NAV2: variants seen among roughly 807,000 people sequenced by gnomAD.
NAV2 encodes the protein helicase, APC down-regulated 1.
Under a neutral mutation model 223.2 loss-of-function variants are expected in NAV2, and 54 were observed. That is an observed-to-expected ratio of 0.24 (90% CI 0.19 to 0.30). The LOEUF (loss-of-function observed/expected upper bound fraction) is 0.30, where lower values mean the gene tolerates loss of function less well. Among genes scored for constraint, NAV2 ranks in the 10% least tolerant of loss-of-function variants. The probability of loss-of-function intolerance (pLI) is 1.00; values close to 1 mark genes in which losing one functional copy is unlikely to be tolerated. For missense variants in NAV2, 2,806 were observed against 3,147.5 expected, an observed-to-expected ratio of 0.89 and a Z score of 2.60; for synonymous variants, 1,279 against 1,239.3, an observed-to-expected ratio of 1.03 and a Z score of -0.67.
At chr11:19,698,410 T>C (rs2049411180) in intron 1 of NAV2, among the ~76,000 whole-genome samples, 1 of 152,234 alleles carries the variant, frequency 6.6e-6, no homozygotes, top group East Asian at 1.9e-4. Context: ...CAGAGAGCCC[T>C]GGTGGAGAGC....
chr11:19,643,378 T>C (rs1455644058), intron 1 of NAV2, among the ~76,000 whole-genome samples: 4 of 141,922 alleles, frequency 2.8e-5, no homozygotes, highest in East Asian at 2.2e-4. Flanking sequence ...TGTGTTCTCA[T>C]TGTTCAATTC....
chr11:19,842,309 T>C (rs957836500), intron 2 of NAV2, among the ~76,000 whole-genome samples: 2 of 152,172 alleles, frequency 1.3e-5, no homozygotes, highest in African/African-American at 4.8e-5. Flanking sequence ...AATTTGGACT[T>C]ACTGTGTGGC....
At chr11:19,960,864 G>A (rs2153406135) in intron 10 of NAV2, among the ~76,000 whole-genome samples, 1 of 151,944 alleles carries the variant, frequency 6.6e-6, no homozygotes, top group South Asian at 2.1e-4. Context: ...CACCTGCCTT[G>A]GGCCTCCCAA....
intron 6 of NAV2, among the ~76,000 whole-genome samples, chr11:19,893,259 C>T (rs1455762353): frequency 6.6e-6 from 1 of 152,040 alleles, no homozygotes; most frequent in Non-Finnish European, 1.5e-5. Context: ...CTTGTTTCAG[C>T]CTCTATCTCT....
chr11:19,998,956 T>C lies in NAV2; in HGVS notation c.2768+14709T>C, dbSNP rs965406599. On this transcript the variant is annotated intron_variant, in intron 11 of 37. Transcript: ENST00000349880. The surrounding 1 kb of genome is among the most constrained non-coding windows in gnomAD (Gnocchi z 5.0). ...TAAGACAGAAACCAGGTCAGCTCCGTTTGCAGGTGAATCCCCTCTCCCAGC... is the reference window on the plus strand; with the variant it reads ...TAAGACAGAAACCAGGTCAGCTCCGCTTGCAGGTGAATCCCCTCTCCCAGC... 6.6e-6 allele frequency among the ~76,000 whole-genome samples: 1 copy of C among 152,244 alleles called. No individual in the cohort carries two copies. The highest frequency in any genetic ancestry group is 1.5e-5 in the Non-Finnish European group (1 of 68,050).
chr11:19,677,663 C>T (rs2048753502), intron 1 of NAV2, among the ~76,000 whole-genome samples: 1 of 152,232 alleles, frequency 6.6e-6, no homozygotes, highest in African/African-American at 2.4e-5. Flanking sequence ...TACAGAGAAG[C>T]AGAGAAGACT....
At chr11:19,498,295 A>G (rs2042861622) in intron 1 of NAV2, among the ~76,000 whole-genome samples, 1 of 152,168 alleles carries the variant, frequency 6.6e-6, no homozygotes, top group South Asian at 2.1e-4. Context: ...TTCCTCATCT[A>G]CCACACCAGG....
At chr11:19,984,274 C>G (rs771363264) in intron 11 of NAV2, 27 bp downstream of exon 11, 8 of 1,612,656 alleles carry the variant, frequency 5.0e-6, no homozygotes, top group Non-Finnish European at 6.8e-6. Context: ...TGGGGCTGGT[C>G]AGATGCAGAG....
intron 1 of NAV2, among the ~76,000 whole-genome samples, chr11:19,535,494 G>T (rs1481321730): frequency 1.3e-5 from 2 of 152,098 alleles, no homozygotes; most frequent in Non-Finnish European, 2.9e-5. Context: ...GGTGAGAAGG[G>T]GTGGCTTGCC....
intron 5 of NAV2, among the ~76,000 whole-genome samples, chr11:19,892,109 C>T (rs537584911): frequency 6.6e-6 from 1 of 152,292 alleles, no homozygotes; most frequent in Middle Eastern, 3.4e-3. Flanking sequence ...TAGGTGCCCA[C>T]CACCATGCCT....
At chr11:19,556,608 G>T (rs1674561572) in intron 1 of NAV2, among the ~76,000 whole-genome samples, 1 of 152,138 alleles carries the variant, frequency 6.6e-6, no homozygotes, top group Admixed American at 6.5e-5. Flanking sequence ...TTGAAATACA[G>T]ATATCAAAAT....
intron 1 of NAV2, among the ~76,000 whole-genome samples, chr11:19,474,302 T>G (rs1370405020): frequency 6.6e-6 from 1 of 152,220 alleles, no homozygotes; most frequent in African/African-American, 2.4e-5. Context: ...AGACGCTAAA[T>G]GAACCATAGT....
intron 1 of NAV2, among the ~76,000 whole-genome samples, chr11:19,459,157 T>C (rs1852064007): frequency 6.6e-6 from 1 of 152,248 alleles, no homozygotes. Context: ...GCCCAATCTA[T>C]ACAGGCTTAT....
At chr11:19,819,490 G>A (rs1486757081) in intron 1 of NAV2, among the ~76,000 whole-genome samples, 1 of 152,178 alleles carries the variant, frequency 6.6e-6, no homozygotes, top group African/African-American at 2.4e-5. Context: ...TGGCAGGCAG[G>A]GTTGGCTTCT....
intron 1 of NAV2, among the ~76,000 whole-genome samples, chr11:19,755,374 G>A (rs1276298516): frequency 6.6e-6 from 1 of 152,210 alleles, no homozygotes; most frequent in African/African-American, 2.4e-5. Flanking sequence ...TGGACTGTGA[G>A]GAAGGTGACT....
intron 1 of NAV2, among the ~76,000 whole-genome samples, chr11:19,375,812 A>G (rs975327571): frequency 6.6e-6 from 1 of 152,156 alleles, no homozygotes; most frequent in African/African-American, 2.4e-5. Flanking sequence ...TTTATTTTTT[A>G]TCTTCTGGTG....
At chr11:19,703,358 C>T (rs2049565587) in intron 1 of NAV2, among the ~76,000 whole-genome samples, 1 of 152,220 alleles carries the variant, frequency 6.6e-6, no homozygotes, top group African/African-American at 2.4e-5. Flanking sequence ...CACCAGGCTC[C>T]ATGCCTGGGG....
intron 22 of NAV2, among the ~76,000 whole-genome samples, chr11:20,071,104 T>TA (rs1407588493): frequency 1.1e-5 from 1 of 92,270 alleles, no homozygotes; most frequent in Non-Finnish European, 2.1e-5. Flanking sequence ...ATCCCTCCCC[T>TA]AGCCCCCCAC....
chr11:19,935,136 C>T (rs1023546487), intron 7 of NAV2, among the ~76,000 whole-genome samples: 9 of 152,204 alleles, frequency 5.9e-5, no homozygotes, highest in African/African-American at 2.2e-4. Flanking sequence ...CAACCCCTGC[C>T]CTTAAAGTTC....
Sources: allele counts gnomAD v4.1 joint callset (sites outside exome capture counted in the v4.1 genomes callset), GRCh38; gene constraint gnomAD v4.1.1; non-coding constraint Gnocchi (gnomAD v3.1); transcripts MANE v1.5; gene names NCBI Gene and HGNC (gene_info 2026-07-23, HGNC 2026-07-21).